Variants in SORCS2 observed in about 807,000 individuals in gnomAD.
The protein encoded by SORCS2 is sortilin related VPS10 domain containing receptor 2, also known as VPS10 domain-containing receptor SorCS2.
A neutral mutation model predicts 141.6 loss-of-function variants in SORCS2; 100 were observed. The observed-to-expected ratio is 0.71, with a 90% CI of 0.60 to 0.83. SORCS2 has a LOEUF of 0.83. Among genes scored for constraint, SORCS2 ranks in the 40% least tolerant of loss-of-function variants. The pLI, the probability that SORCS2 is intolerant of heterozygous loss-of-function variation, is 0.00. For synonymous variants in SORCS2, 789 were observed against 676.9 expected (o/e 1.17, Z -2.57); for missense variants, 1,646 against 1,560.2 (o/e 1.05, Z -0.93).
At chr4:7,525,892 CACCTGTCT>C (rs1386770839) in intron 2 of SORCS2, among the ~76,000 whole-genome samples, 18 of 142,310 alleles carry the variant, frequency 1.3e-4, no homozygotes, top group South Asian at 7.3e-4. Context: ...CCTCCTCAGT[CACCTGTCT>C]CCTCCTGCAG....
chr4:7,207,702 C>A (rs553850383), intron 1 of SORCS2, among the ~76,000 whole-genome samples: 10 of 152,318 alleles, frequency 6.6e-5, no homozygotes, highest in African/African-American at 2.4e-4. Flanking sequence ...CCTTCTTTCT[C>A]TAGGGGGATT....
At chr4:7,500,146 C>A (rs1374922553) in intron 2 of SORCS2, among the ~76,000 whole-genome samples, 1 of 152,214 alleles carries the variant, frequency 6.6e-6, no homozygotes, top group Non-Finnish European at 1.5e-5. Context: ...CCGGAGCACA[C>A]CCCTGCCCGG....
Position 7,740,519 on chromosome 4 carries a change from C to T in SORCS2, c.*255C>T. The T allele has an allele frequency of 1.9e-6, 1 of 539,874 alleles. No individual in the cohort carries two copies. Among genetic ancestry groups the T allele is most frequent in the East Asian group, 3.1e-5 (1 of 32,732 alleles). 33.4% of individuals were successfully genotyped at this position (539,874 alleles called of 1,614,324 possible). A position where few individuals can be genotyped will look rare whatever the true frequency, so the allele number is the denominator to read the frequency against. The stretch of plus-strand genomic sequence containing the variant: ...CAGGCCTGACTCAGGCAGGTTCTGC[C>T]CCCCAGACCCCACACACGGCCGCCC... On this transcript the variant is annotated 3_prime_UTR_variant, in exon 27 of 27. Coordinates refer to ENST00000507866, the MANE Select transcript of SORCS2 (RefSeq NM_020777.3).
intron 5 of SORCS2, among the ~76,000 whole-genome samples, 176 bp downstream of exon 5, chr4:7,654,383 C>T (rs1721625656): frequency 1.3e-5 from 2 of 152,228 alleles, no homozygotes; most frequent in Admixed American, 1.3e-4. Context: ...CCCTCCTCAT[C>T]CCAGGGGAAC....
intron 2 of SORCS2, among the ~76,000 whole-genome samples, chr4:7,437,156 C>A (rs1727360538): frequency 1.3e-5 from 2 of 152,148 alleles, no homozygotes; most frequent in South Asian, 4.2e-4. Context: ...ACTGTAGATG[C>A]TAATAATCAC....
At chr4:7,441,069 T>C (rs1727631372) in intron 2 of SORCS2, among the ~76,000 whole-genome samples, 1 of 151,914 alleles carries the variant, frequency 6.6e-6, no homozygotes, top group South Asian at 2.1e-4. Flanking sequence ...AGCTCAGCAC[T>C]GGGATGAAGT....
At chr4:7,598,841 C>T (rs945311660) in intron 3 of SORCS2, among the ~76,000 whole-genome samples, 11 of 152,332 alleles carry the variant, frequency 7.2e-5, no homozygotes, top group South Asian at 2.1e-4. Context: ...TTCTCCCCCC[C>T]AGGCTGTGCT....
At chr4:7,359,313 C>CA (rs5855958) in intron 1 of SORCS2, among the ~76,000 whole-genome samples, 76,924 of 151,394 alleles carry the variant, frequency 0.51, 20,749 homozygotes, top group Non-Finnish European at 0.6. Flanking sequence ...AGCAAATAAA[C>CA]AAAAAAAACA....
chr4:7,269,218 G>T (rs56098421), intron 1 of SORCS2, among the ~76,000 whole-genome samples: 1 of 152,212 alleles, frequency 6.6e-6, no homozygotes, highest in African/African-American at 2.4e-5. Flanking sequence ...CAGGGTGCTG[G>T]TGGTGTCCCA....
At chr4:7,329,467 G>T (rs893317350) in intron 1 of SORCS2, among the ~76,000 whole-genome samples, 1 of 152,190 alleles carries the variant, frequency 6.6e-6, no homozygotes, top group Non-Finnish European at 1.5e-5. Flanking sequence ...GCCGCTGAGG[G>T]GGTCCCCTGA....
intron 1 of SORCS2, among the ~76,000 whole-genome samples, chr4:7,327,475 A>T (rs1288635777): frequency 6.6e-6 from 1 of 151,906 alleles, no homozygotes; most frequent in African/African-American, 2.4e-5. Flanking sequence ...ATCTGCAAAG[A>T]CCCCATTTCC....
chr4:7,505,211 C>T (rs1416672792), intron 2 of SORCS2, among the ~76,000 whole-genome samples: 10 of 152,144 alleles, frequency 6.6e-5, no homozygotes, highest in Admixed American at 2.6e-4. Context: ...TGGACAGCAT[C>T]CGTGGAAAAT....
At chr4:7,265,060 G>A (rs1013465832) in intron 1 of SORCS2, among the ~76,000 whole-genome samples, 4 of 152,228 alleles carry the variant, frequency 2.6e-5, no homozygotes, top group Non-Finnish European at 5.9e-5. Flanking sequence ...CTGGAGTTGG[G>A]GCCATGCTCT....
intron 1 of SORCS2, among the ~76,000 whole-genome samples, chr4:7,200,355 C>G (rs1727422371): frequency 6.6e-6 from 1 of 152,118 alleles, no homozygotes; most frequent in Admixed American, 6.5e-5. Context: ...CCTCTCCTCC[C>G]TGGGGAGCCC....
rs767139456 is a variant in SORCS2 at position 7,723,794 on chromosome 4, G to A, written c.2522G>A (p.Arg841His). ...LTLTGEPIRHRYESPGIYRVS... is the reference protein window; with the variant it reads ...LTLTGEPIRHHYESPGIYRVS... ...CTGACCGGGGAGCCCATCCGGCACC[G>A]CTACGAGAGCCCCGGCATCTACCGC... The change falls in exon 19 of 27, where the codon CGC becomes CAC. Residue 841 changes from arginine (R) to histidine (H), a missense_variant. Coordinates refer to ENST00000507866, the MANE Select transcript of SORCS2 (RefSeq NM_020777.3). 3.5e-5 allele frequency: 57 copies of A among 1,613,720 alleles called. No homozygotes were observed. The highest frequency in any genetic ancestry group is 1.2e-4 in the Admixed American group (7 of 60,010).
At chr4:7,425,474 C>T (rs1726366263) in intron 2 of SORCS2, among the ~76,000 whole-genome samples, 1 of 152,164 alleles carries the variant, frequency 6.6e-6, no homozygotes, top group African/African-American at 2.4e-5. Flanking sequence ...GAGACGTTCC[C>T]CTTCATTTTG....
chr4:7,481,182 T>G (rs527867149), intron 2 of SORCS2, among the ~76,000 whole-genome samples: 2 of 152,198 alleles, frequency 1.3e-5, no homozygotes, highest in Non-Finnish European at 2.9e-5. Flanking sequence ...AGCCACAGAC[T>G]TTCCTGAGTG....
rs577905164 is a variant in SORCS2 at position 7,284,082 on chromosome 4, G to A, written c.480+90956G>A. On this transcript the variant is annotated intron_variant, in intron 1 of 26. Coordinates refer to ENST00000507866, the MANE Select transcript of SORCS2 (RefSeq NM_020777.3). ...ATTTTGAGCCATCACAAAGTCAGAG[G>A]ATCAGCTTGCAGGATTGCGCCCAGG... 6.6e-5 allele frequency among the ~76,000 whole-genome samples: 10 copies of A among 152,280 alleles called. No homozygotes were observed. In the South Asian group the frequency reaches 1.7e-3, roughly 25 times the overall value.
intron 2 of SORCS2, among the ~76,000 whole-genome samples, chr4:7,499,579 TG>T (rs918578571): frequency 3.3e-5 from 5 of 151,360 alleles, no homozygotes; most frequent in Admixed American, 2.0e-4. Flanking sequence ...GGCTGGCGGG[TG>T]GGGGCCGGCA....
Sources: allele counts gnomAD v4.1 joint callset (sites outside exome capture counted in the v4.1 genomes callset), GRCh38; gene constraint gnomAD v4.1.1; transcripts MANE v1.5; gene names NCBI Gene and HGNC (gene_info 2026-07-23, HGNC 2026-07-21).